The following RNMT variants were observed in gnomAD, a reference collection of about 807,000 sequenced individuals.
The protein encoded by RNMT is mRNA cap guanine-N(7) methyltransferase.
A neutral mutation model predicts 56.0 loss-of-function variants in RNMT; 27 were observed. The ratio of observed to expected loss-of-function variants is 0.48; its 90% CI spans 0.36 to 0.67. The LOEUF is 0.67. Among genes scored for constraint, RNMT ranks in the 30% least tolerant of loss-of-function variants. The pLI is 0.00. For missense variants in RNMT, 519 were observed against 552.1 expected (o/e 0.94, Z 0.60); for synonymous variants, 184 against 176.2 (o/e 1.04, Z -0.35).
chr18:13,736,409 C>A (rs2044158537), intron 4 of RNMT, among the ~76,000 whole-genome samples: 1 of 151,928 alleles, frequency 6.6e-6, no homozygotes, highest in Non-Finnish European at 1.5e-5. Flanking sequence ...TGGTTGCCTA[C>A]TGATTTTATC....
At chr18:13,735,413 A>G (rs546398300) in intron 4 of RNMT, among the ~76,000 whole-genome samples, 3 of 152,060 alleles carry the variant, frequency 2.0e-5, no homozygotes, top group South Asian at 2.1e-4. Context: ...AACATTTTGT[A>G]TATCACTTGT....
At chr18:13,742,128 C>T (rs1234365152) in intron 7 of RNMT, among the ~76,000 whole-genome samples, 1 of 152,112 alleles carries the variant, frequency 6.6e-6, no homozygotes, top group African/African-American at 2.4e-5. Context: ...TGCTTGAGGC[C>T]AGGAGTTTGA....
In RNMT at chr18:13,740,189, A is replaced by G; in HGVS notation, c.702A>G (p.Lys234=). The change falls in exon 6 of 12, where the codon AAA becomes AAG. Residue 234 remains lysine, a synonymous_variant. Coordinates refer to ENST00000383314, the MANE Select transcript of RNMT (RefSeq NM_003799.3). ...VCTDIADVSV[K]QCQQRYEDMK... is the part of the protein sequence containing the mutation. ...CAGATATTGCCGATGTTTCTGTCAA[A>G]CAGTGTCAGCAGCGGTATGAGGACA... The G allele has an allele frequency of 1.2e-6, 2 of 1,611,698 alleles. No homozygotes were observed. The highest frequency in any genetic ancestry group is 2.2e-5 in the South Asian group (2 of 90,966).
At position 13,742,428 on chromosome 18, in the gene RNMT, T is replaced by G. The variant is rs563973625; in HGVS notation, c.975-60T>G. 176 of 1,501,348 alleles carry G rather than the reference T, an allele frequency of 1.2e-4. No homozygotes were observed. In the African/African-American group the frequency reaches 2.2e-3, roughly 18 times the overall value. 93.0% of individuals were successfully genotyped at this position (1,501,348 alleles called of 1,614,324 possible). ...TTTCACATGCATAATCTGATCAAAA[T>G]AAGTCTACACTAATCACAATTTTAA... On this transcript the variant is annotated intron_variant, in intron 7 of 11. Coordinates refer to ENST00000383314, the MANE Select transcript of RNMT (RefSeq NM_003799.3).
intron 1 of RNMT, among the ~76,000 whole-genome samples, chr18:13,729,611 G>A (rs2044032964): frequency 6.6e-6 from 1 of 151,980 alleles, no homozygotes; most frequent in Admixed American, 6.6e-5. Flanking sequence ...GTTCTATTTG[G>A]TACTTCTTGG....
chr18:13,761,571 TGGG>T lies in RNMT; in HGVS notation c.*1595_*1597del. ...AACCTCTTCCACGCCATGGGTAACTTGGGGGAGAGAAGAATCCTCCAAACGATG... is the reference window on the plus strand; with the variant it reads ...AACCTCTTCCACGCCATGGGTAACTTGGAGAGAAGAATCCTCCAAACGATG... On this transcript the variant is annotated 3_prime_UTR_variant, in exon 12 of 12. Coordinates refer to ENST00000383314, the MANE Select transcript of RNMT (RefSeq NM_003799.3). 2.0e-6 allele frequency: 2 copies of T among 992,578 alleles called. No individual in the cohort carries two copies. The highest frequency in any genetic ancestry group is 2.4e-6 in the Non-Finnish European group (2 of 833,954). 61.5% of individuals were successfully genotyped at this position (992,578 alleles called of 1,614,324 possible).
At position 13,734,522 on chromosome 18, in the gene RNMT, T is replaced by G. The variant is rs755009756; in HGVS notation, c.476T>G (p.Val159Gly). The G allele has an allele frequency of 1.2e-6, 2 of 1,613,666 alleles. No individual in the cohort carries two copies. The highest frequency in any genetic ancestry group is 2.7e-5 in the African/African-American group (2 of 74,916). Residue 159 changes from valine to glycine, a missense_variant, in exon 4 of 12, where the codon GTT becomes GGT. Coordinates refer to ENST00000383314, the MANE Select transcript of RNMT (RefSeq NM_003799.3). The stretch of plus-strand genomic sequence containing the variant: ...GCCCATTACAATGAACTTCAGGAAG[T>G]TGGTTTGGAGAAGCGTAGTCAAAGT... ...VAAHYNELQE[V>G]GLEKRSQSRI...
chr18:13,740,371 A>G (rs750540039), intron 6 of RNMT, 92 bp downstream of exon 6: 5 of 740,970 alleles, frequency 6.7e-6, no homozygotes, highest in Admixed American at 5.6e-5. Flanking sequence ...TTACTTTTTT[A>G]AAAAAATTTA....
At chr18:13,750,795 T>C (rs960978385) in intron 9 of RNMT, among the ~76,000 whole-genome samples, 22 of 151,658 alleles carry the variant, frequency 1.5e-4, no homozygotes, top group Admixed American at 1.4e-3. Context: ...AGCAAGACTC[T>C]GTCTCAAAAA....
At chr18:13,757,259 C>T (rs1048103100) in intron 11 of RNMT, among the ~76,000 whole-genome samples, 2 of 151,994 alleles carry the variant, frequency 1.3e-5, no homozygotes, top group African/African-American at 4.8e-5. Context: ...TGGTGGTTGC[C>T]GAAGATTGGT....
chr18:13,752,387 C>T lies in RNMT; in HGVS notation c.1319C>T (p.Ala440Val). 1.2e-6 allele frequency: 2 copies of T among 1,612,302 alleles called. No individual in the cohort carries two copies. The highest frequency in any genetic ancestry group is 1.7e-6 in the Non-Finnish European group (2 of 1,178,606). The change falls in exon 10 of 12, where the codon GCA (alanine) becomes GTA (valine). Residue 440 changes from alanine to valine, a missense_variant. Coordinates refer to ENST00000383314, the MANE Select transcript of RNMT (RefSeq NM_003799.3). ...VSEKVDDYEH[A>V]AKYMKNSQVR... is the part of the protein sequence containing the mutation. Reference sequence around the variant, plus strand: ...GAGAAGGTGGATGACTATGAACATGCAGCAAAGTACATGAAGAACAGTCAA... The same window carrying T: ...GAGAAGGTGGATGACTATGAACATGTAGCAAAGTACATGAAGAACAGTCAA...
At chr18:13,758,019 G>A (rs1044780368) in intron 11 of RNMT, among the ~76,000 whole-genome samples, 3 of 152,208 alleles carry the variant, frequency 2.0e-5, no homozygotes, top group African/African-American at 4.8e-5. Flanking sequence ...GCCAATGAGC[G>A]GTAATATTTT....
chr18:13,758,235 A>G (rs1026474803), intron 11 of RNMT, among the ~76,000 whole-genome samples: 3 of 152,246 alleles, frequency 2.0e-5, no homozygotes, highest in East Asian at 1.9e-4. Context: ...CACTAGCAGC[A>G]TTAGTCCCTA....
intron 4 of RNMT, among the ~76,000 whole-genome samples, chr18:13,735,500 C>CTTTT (rs5823269): frequency 1.2e-3 from 169 of 138,246 alleles, no homozygotes; most frequent in African/African-American, 4.4e-3. Flanking sequence ...TGAGTGTTCA[C>CTTTT]TTTTTTTTTT....
In RNMT at chr18:13,742,550, A is replaced by G. The variant is rs2044268158; in HGVS notation, c.1037A>G (p.Gln346Arg). ...AATGAAATATATACTGTGAAATTTCAGAAGAAAGGAGATTATCCTTTATTT... is the reference window on the plus strand; with the variant it reads ...AATGAAATATATACTGTGAAATTTCGGAAGAAAGGAGATTATCCTTTATTT... ...FGNEIYTVKF[Q>R]KKGDYPLFGC... The change falls in exon 8 of 12, where the codon CAG (glutamine) becomes CGG (arginine). Residue 346 changes from glutamine (Q) to arginine (R), a missense_variant. Gln to Arg is a conservative substitution (Grantham distance 43). Transcript: ENST00000383314. 1.9e-6 allele frequency: 3 copies of G among 1,613,048 alleles called. No homozygotes were observed. The highest frequency in any genetic ancestry group is 1.1e-5 in the South Asian group (1 of 90,980).
rs1261190024 is a variant in RNMT at position 13,741,495 on chromosome 18, T to C, written c.793-15T>C. ...TAGTTACCTCACAATCTTAACTCAT[T>C]TTAATTTGTTTCAGGAACTTCTGAT... is the stretch of plus-strand genomic sequence containing the variant. On this transcript the variant is annotated splice_polypyrimidine_tract_variant and intron_variant, in intron 6 of 11. Transcript: ENST00000383314. 6.3e-7 allele frequency: 1 copy of C among 1,599,610 alleles called. No individual in the cohort carries two copies. Among genetic ancestry groups the C allele is most frequent in the African/African-American group, 1.3e-5 (1 of 74,500 alleles).
At position 13,734,537 on chromosome 18, in the gene RNMT, G is replaced by A. The variant is rs748346138; in HGVS notation, c.491G>A (p.Arg164His). The A allele has an allele frequency of 1.6e-5, 26 of 1,613,420 alleles. No homozygotes were observed. Among genetic ancestry groups the A allele is most frequent in the South Asian group, 2.2e-5 (2 of 91,018 alleles). ...CTTCAGGAAGTTGGTTTGGAGAAGC[G>A]TAGTCAAAGTCGTATTTTTTACCTA... ...NELQEVGLEK[R>H]SQSRIFYLRN... Residue 164 changes from arginine to histidine, a missense_variant, in exon 4 of 12, where the codon CGT becomes CAT. Physicochemically the swap from Arg to His is conservative, Grantham distance 29 (BLOSUM62 0). Coordinates refer to ENST00000383314, the MANE Select transcript of RNMT (RefSeq NM_003799.3).
In RNMT at chr18:13,761,610, T is replaced by C; in HGVS notation, c.*1631T>C. 1 of 997,374 alleles carries C rather than the reference T, an allele frequency of 1.0e-6. No homozygotes were observed. Among genetic ancestry groups the C allele is most frequent in the Non-Finnish European group, 1.2e-6 (1 of 836,890 alleles). 61.8% of individuals were successfully genotyped at this position (997,374 alleles called of 1,614,324 possible). A position where few individuals can be genotyped will look rare whatever the true frequency, so the allele number is the denominator to read the frequency against. On this transcript the variant is annotated 3_prime_UTR_variant, in exon 12 of 12. Transcript: ENST00000383314. ...ATCCTCCAAACGATGGAGTAGCCAG[T>C]GGTAATACAAAGCAGGGAGAACAGA...
At chr18:13,732,708 G>C (rs1425942868) in intron 3 of RNMT, among the ~76,000 whole-genome samples, 1 of 149,164 alleles carries the variant, frequency 6.7e-6, no homozygotes, top group Non-Finnish European at 1.5e-5. Flanking sequence ...GTCATCAATG[G>C]AATGTGAATT....
Sources: allele counts gnomAD v4.1 joint callset (sites outside exome capture counted in the v4.1 genomes callset), GRCh38; gene constraint gnomAD v4.1.1; transcripts MANE v1.5; gene names NCBI Gene and HGNC (gene_info 2026-07-23, HGNC 2026-07-21).